The following DPP6 variants were observed in gnomAD, a reference collection of about 807,000 sequenced individuals.
The protein encoded by DPP6 is A-type potassium channel modulatory protein DPP6.
Under a neutral mutation model 122.6 loss-of-function variants are expected in DPP6, and 69 were observed. That is an observed-to-expected ratio of 0.56 (90% CI 0.46 to 0.69). The LOEUF (loss-of-function observed/expected upper bound fraction) is 0.69, where lower values mean the gene tolerates loss of function less well. Ranked by LOEUF, DPP6 falls within the 30% of genes least tolerant of loss-of-function variation. DPP6 has a pLI of 0.00. For synonymous variants in DPP6, 418 were observed against 433.1 expected (o/e 0.97, Z 0.43); for missense variants, 928 against 1,116.9 (o/e 0.83, Z 2.41).
intron 3 of DPP6, among the ~76,000 whole-genome samples, chr7:154,525,961 A>G (rs1427098736): frequency 6.6e-6 from 1 of 152,188 alleles, no homozygotes; most frequent in African/African-American, 2.4e-5. Flanking sequence ...ATCCCAAAGA[A>G]AAGGATGTAG....
At chr7:154,013,430 T>C (rs1798242904) in intron 1 of DPP6, among the ~76,000 whole-genome samples, 1 of 151,334 alleles carries the variant, frequency 6.6e-6, no homozygotes, top group South Asian at 2.1e-4. Flanking sequence ...CCAGTGTGTA[T>C]TCCTCAGAGA....
chr7:154,098,088 G>T (rs1350356257), intron 1 of DPP6, among the ~76,000 whole-genome samples: 5 of 152,182 alleles, frequency 3.3e-5, no homozygotes, highest in Non-Finnish European at 5.9e-5. Flanking sequence ...ACCTTGAATT[G>T]TAGCTCCCAT....
intron 6 of DPP6, among the ~76,000 whole-genome samples, chr7:154,649,905 C>T (rs1836761005): frequency 6.6e-6 from 1 of 152,212 alleles, no homozygotes; most frequent in South Asian, 2.1e-4. Flanking sequence ...GTTGAGAAAG[C>T]CTGGTTCCTG....
intron 1 of DPP6, among the ~76,000 whole-genome samples, chr7:154,018,518 T>A (rs1798538886): frequency 1.3e-5 from 2 of 152,192 alleles, no homozygotes; most frequent in Admixed American, 1.3e-4. Flanking sequence ...AGTGTCCCTA[T>A]ATATGGAAAG....
intron 1 of DPP6, among the ~76,000 whole-genome samples, chr7:153,973,506 C>A (rs184735782): frequency 6.2e-4 from 95 of 152,198 alleles, no homozygotes; most frequent in African/African-American, 2.2e-3. Flanking sequence ...TTTTCTTTTT[C>A]CTATTATGGT....
chr7:154,855,001 GGTGACTCCGTGTCTCCA>G (rs1311355050), intron 17 of DPP6, among the ~76,000 whole-genome samples: 1 of 152,058 alleles, frequency 6.6e-6, no homozygotes, highest in Non-Finnish European at 1.5e-5. Flanking sequence ...TGGGGACAGA[GGTGACTCCGTGTCTCCA>G]GTGACCATCG....
At chr7:154,255,165 G>A (rs11767532) in intron 1 of DPP6, among the ~76,000 whole-genome samples, 8,371 of 152,184 alleles carry the variant, frequency 0.055, 257 homozygotes, top group African/African-American at 0.079. Context: ...GGGTCCGTCC[G>A]AGGGGTGGAG....
chr7:154,247,858 T>C (rs528524296), intron 1 of DPP6, among the ~76,000 whole-genome samples: 58 of 152,340 alleles, frequency 3.8e-4, no homozygotes, highest in African/African-American at 1.3e-3. Context: ...GCCAGGTATC[T>C]TTCAACCAGA....
intron 1 of DPP6, among the ~76,000 whole-genome samples, chr7:154,019,664 A>C (rs1798606448): frequency 6.6e-6 from 1 of 152,228 alleles, no homozygotes; most frequent in Non-Finnish European, 1.5e-5. Context: ...GAACATAGTC[A>C]TTAAAGAATT....
At chr7:153,757,775 T>G in the DPP6 span, among the ~76,000 whole-genome samples, 1 of 152,142 alleles carries the variant, frequency 6.6e-6, no homozygotes, top group Non-Finnish European at 1.5e-5. Context: ...TTGGCCAACA[T>G]GGCGAAACCC....
chr7:154,652,119 T>C (rs1317594886), intron 6 of DPP6, among the ~76,000 whole-genome samples: 2 of 151,958 alleles, frequency 1.3e-5, no homozygotes, highest in Admixed American at 6.6e-5. Context: ...AATAGGGGGC[T>C]CCTCCGCAGG....
Position 154,052,886 on chromosome 7 carries a change from G to A in DPP6, c.66G>A (p.Pro22=), listed in dbSNP as rs1406806613. 2 of 1,531,868 alleles carry A rather than the reference G, an allele frequency of 1.3e-6. No individual in the cohort carries two copies. The highest frequency in any genetic ancestry group is 1.4e-5 in the African/African-American group (1 of 72,180). 94.9% of individuals were successfully genotyped at this position (1,531,868 alleles called of 1,614,324 possible). The change falls in exon 1 of 26, where the codon CCG becomes CCA. Residue 22 remains proline, a synonymous_variant. Coordinates refer to ENST00000377770, the MANE Select transcript of DPP6 (RefSeq NM_130797.4). This position sits in a 1 kb window ranked among gnomAD's most constrained non-coding sequence, Gnocchi z 4.8. ...CCTCGAGGTCCTTCCCCGCGCCCCC[G>A]GAGGCGAGTCACCTCCTGGGCGGCC... ...INTSRSFPAP[P]EASHLLGGQG... is the part of the protein sequence containing the mutation.
At chr7:154,710,859 TGATCA>T (rs1841134408) in intron 7 of DPP6, among the ~76,000 whole-genome samples, 1 of 152,252 alleles carries the variant, frequency 6.6e-6, no homozygotes, top group Non-Finnish European at 1.5e-5. Flanking sequence ...AACTTGCGTA[TGATCA>T]TTGCTAAACC....
intron 5 of DPP6, among the ~76,000 whole-genome samples, chr7:154,574,777 A>ATG (rs1491219344): frequency 1.3e-5 from 1 of 79,380 alleles, no homozygotes; most frequent in Non-Finnish European, 2.2e-5. Flanking sequence ...TGTGTGGTGC[A>ATG]TATGTGTGTG....
At chr7:154,149,057 G>A (rs1488216580) in intron 1 of DPP6, among the ~76,000 whole-genome samples, 1 of 152,214 alleles carries the variant, frequency 6.6e-6, no homozygotes, top group Non-Finnish European at 1.5e-5. Context: ...CCTATGCTGG[G>A]CAGAAACCTC....
At chr7:154,420,094 T>A (rs1817342206) in intron 1 of DPP6, among the ~76,000 whole-genome samples, 2 of 152,164 alleles carry the variant, frequency 1.3e-5, no homozygotes, top group South Asian at 4.1e-4. Flanking sequence ...CCCAACACTT[T>A]GGGAGGCTGA....
intron 1 of DPP6, among the ~76,000 whole-genome samples, chr7:154,128,329 C>T (rs886946738): frequency 6.6e-5 from 10 of 152,170 alleles, no homozygotes; most frequent in South Asian, 2.1e-4. Context: ...TCTGTAATCC[C>T]AGCACTTGGG....
intron 1 of DPP6, among the ~76,000 whole-genome samples, chr7:154,392,179 A>G (rs894158326): frequency 1.3e-5 from 2 of 152,084 alleles, no homozygotes; most frequent in African/African-American, 4.8e-5. Context: ...AGGCTGAGAC[A>G]GGAGAATCGC....
At chr7:154,675,549 C>T (rs950371633) in intron 7 of DPP6, among the ~76,000 whole-genome samples, 2 of 152,154 alleles carry the variant, frequency 1.3e-5, no homozygotes, top group Non-Finnish European at 2.9e-5. Flanking sequence ...CAGGCCGGTC[C>T]TGCCGTGCAT....
Sources: allele counts gnomAD v4.1 joint callset (sites outside exome capture counted in the v4.1 genomes callset), GRCh38; gene constraint gnomAD v4.1.1; non-coding constraint Gnocchi (gnomAD v3.1); transcripts MANE v1.5; gene names NCBI Gene and HGNC (gene_info 2026-07-23, HGNC 2026-07-21).